The following PLCB1 variants were observed in gnomAD, a reference collection of about 807,000 sequenced individuals.
PLCB1 encodes the protein 1-phosphatidylinositol 4,5-bisphosphate phosphodiesterase beta-1.
In PLCB1, 46 loss-of-function variants were observed where a neutral mutation model predicts 161.8. The ratio of observed to expected loss-of-function variants is 0.28; its 90% CI spans 0.22 to 0.36. PLCB1 has a LOEUF of 0.36. Ranked by LOEUF, PLCB1 falls within the 10% of genes least tolerant of loss-of-function variation. PLCB1 has a pLI of 1.00. For synonymous variants in PLCB1, 517 were observed against 503.7 expected (o/e 1.03, Z -0.35); for missense variants, 1,016 against 1,472.5 (o/e 0.69, Z 5.07).
intron 2 of PLCB1, among the ~76,000 whole-genome samples, chr20:8,281,844 G>A (rs559339015): frequency 6.6e-6 from 1 of 152,020 alleles, no homozygotes; most frequent in Non-Finnish European, 1.5e-5. Context: ...TCTAAATGCT[G>A]TCTACCTACT....
At chr20:8,563,808 A>C (rs1304242512) in intron 3 of PLCB1, among the ~76,000 whole-genome samples, 1 of 152,164 alleles carries the variant, frequency 6.6e-6, no homozygotes, top group African/African-American at 2.4e-5. Flanking sequence ...GGACCCCTTC[A>C]AGGAGAACTA....
At chr20:8,765,414 G>C in intron 26 of PLCB1, 56 bp downstream of exon 26, 1 of 1,280,512 alleles carries the variant, frequency 7.8e-7, no homozygotes, top group Non-Finnish European at 1.1e-6. Flanking sequence ...TGTTAACATG[G>C]ATTTTTAATG....
At chr20:8,148,288 A>G (rs2051475008) in intron 1 of PLCB1, among the ~76,000 whole-genome samples, 1 of 152,190 alleles carries the variant, frequency 6.6e-6, no homozygotes, top group Non-Finnish European at 1.5e-5. Flanking sequence ...TATGCATGCA[A>G]TCTCATGAAA....
rs370325860 is a variant in PLCB1 at position 8,569,677 on chromosome 20, A to T, written c.247-58617A>T. Among the ~76,000 whole-genome samples the T allele has an allele frequency of 5.3e-5, 8 of 152,226 alleles. No individual in the cohort carries two copies. The East Asian group carries it at 1.2e-3, about 22-fold the overall frequency. ...ATCACTGATATTTTTATAATCAATA[A>T]GATTAGGGTTGTTAAGGTAAGTATT... On this transcript the variant is annotated intron_variant, in intron 3 of 31. Coordinates refer to ENST00000338037, the MANE Select transcript of PLCB1 (RefSeq NM_015192.4).
At chr20:8,611,792 A>G (rs2123172966) in intron 3 of PLCB1, among the ~76,000 whole-genome samples, 1 of 152,120 alleles carries the variant, frequency 6.6e-6, no homozygotes, top group South Asian at 2.1e-4. Flanking sequence ...CTTTTAAGAG[A>G]CGTATTAGCT....
chr20:8,417,510 C>A (rs1979356103), intron 3 of PLCB1, among the ~76,000 whole-genome samples: 1 of 151,484 alleles, frequency 6.6e-6, no homozygotes, highest in African/African-American at 2.4e-5. Context: ...TGAATTCATG[C>A]AAATTCATAT....
At chr20:8,852,542 C>A (rs959816455) in intron 31 of PLCB1, among the ~76,000 whole-genome samples, 19 of 152,170 alleles carry the variant, frequency 1.2e-4, no homozygotes, top group African/African-American at 4.6e-4. Context: ...GCTCTTCTAA[C>A]CTTTCCTTTG....
intron 3 of PLCB1, among the ~76,000 whole-genome samples, chr20:8,383,122 T>C (rs113299639): frequency 0.023 from 3,465 of 152,272 alleles, 141 homozygotes; most frequent in African/African-American, 0.078. Flanking sequence ...TGTCTAATAT[T>C]GACAGTGGGA....
Position 8,640,200 on chromosome 20 carries a change from A to G in PLCB1, c.385-5902A>G, listed in dbSNP as rs6118277. Among the ~76,000 whole-genome samples the G allele has an allele frequency of 4.3e-3, 651 of 152,366 alleles. 4 individuals are homozygous for G. Among genetic ancestry groups the G allele is most frequent in the Non-Finnish European group, 4.7e-3 (317 of 68,042 alleles). ...TTAAATTATAAGTTAATGAGGAACTACCTGTGCCTCGTTCACTAATCAGTT... is the reference window on the plus strand; with the variant it reads ...TTAAATTATAAGTTAATGAGGAACTGCCTGTGCCTCGTTCACTAATCAGTT... On this transcript the variant is annotated intron_variant, in intron 4 of 31. Coordinates refer to ENST00000338037, the MANE Select transcript of PLCB1 (RefSeq NM_015192.4).
intron 2 of PLCB1, among the ~76,000 whole-genome samples, chr20:8,335,608 C>T (rs1048840704): frequency 3.9e-5 from 6 of 152,062 alleles, no homozygotes; most frequent in African/African-American, 1.4e-4. Flanking sequence ...TAGTTGCTCT[C>T]CTCCTGCCTT....
At chr20:8,672,552 G>C (rs1485864320) in intron 9 of PLCB1, among the ~76,000 whole-genome samples, 1 of 152,056 alleles carries the variant, frequency 6.6e-6, no homozygotes, top group Non-Finnish European at 1.5e-5. Flanking sequence ...TTGATGCCAT[G>C]ATGTGGGCAT....
intron 3 of PLCB1, among the ~76,000 whole-genome samples, chr20:8,466,481 A>T (rs1332566945): frequency 1.3e-5 from 2 of 148,944 alleles, no homozygotes; most frequent in East Asian, 1.9e-4. Flanking sequence ...AATAATAATT[A>T]AAAAAAAACA....
chr20:8,336,110 T>A (rs1017691160), intron 2 of PLCB1, among the ~76,000 whole-genome samples: 1 of 152,138 alleles, frequency 6.6e-6, no homozygotes, highest in African/African-American at 2.4e-5. Context: ...GAGGAAGAAT[T>A]CCTAAAACTG....
intron 3 of PLCB1, among the ~76,000 whole-genome samples, chr20:8,615,440 A>T (rs1394809108): frequency 6.6e-6 from 1 of 152,156 alleles, no homozygotes; most frequent in East Asian, 1.9e-4. Flanking sequence ...TTAGAAATCA[A>T]TGTTTTTGAT....
At chr20:8,822,130 C>T (rs968948791) in intron 31 of PLCB1, among the ~76,000 whole-genome samples, 14 of 151,898 alleles carry the variant, frequency 9.2e-5, no homozygotes, top group Admixed American at 1.3e-4. Flanking sequence ...ACACAGGGGC[C>T]GCGTCTCTGT....
chr20:8,554,649 G>A (rs899492108), intron 3 of PLCB1, among the ~76,000 whole-genome samples: 2 of 152,094 alleles, frequency 1.3e-5, no homozygotes, highest in African/African-American at 4.8e-5. Flanking sequence ...GAGAGGAAGT[G>A]TATTATACCT....
intron 3 of PLCB1, among the ~76,000 whole-genome samples, chr20:8,567,871 A>G (rs1342269337): frequency 1.3e-5 from 2 of 152,234 alleles, no homozygotes; most frequent in African/African-American, 2.4e-5. Context: ...AGAAATTGCG[A>G]CTTAGCAACT....
chr20:8,420,103 C>A (rs1414213060), intron 3 of PLCB1, among the ~76,000 whole-genome samples: 1 of 152,162 alleles, frequency 6.6e-6, no homozygotes, highest in Non-Finnish European at 1.5e-5. Context: ...ATAACTTTTA[C>A]AACAGAGAAA....
intron 3 of PLCB1, among the ~76,000 whole-genome samples, chr20:8,388,962 G>A (rs538818799): frequency 6.6e-6 from 1 of 152,272 alleles, no homozygotes; most frequent in East Asian, 1.9e-4. Context: ...GGGTGGTTAA[G>A]GAATGGTTCC....
Sources: gnomAD v4.1 joint callset for allele counts (sites outside exome capture counted in the v4.1 genomes callset) on GRCh38, gnomAD v4.1.1 for gene constraint, MANE v1.5 for transcripts, NCBI Gene and HGNC (gene_info 2026-07-23, HGNC 2026-07-21) for gene names.